KCNA6: variants seen among roughly 807,000 people sequenced by gnomAD.
KCNA6 encodes the protein potassium voltage-gated channel subfamily A member 6.
In KCNA6, 17 loss-of-function variants were observed where a neutral mutation model predicts 29.5. That is an observed-to-expected ratio of 0.58 (90% CI 0.39 to 0.86). The LOEUF (loss-of-function observed/expected upper bound fraction) is 0.86, where lower values mean the gene tolerates loss of function less well. Among genes scored for constraint, KCNA6 ranks in the 40% least tolerant of loss-of-function variants. The pLI, the probability that KCNA6 is intolerant of heterozygous loss-of-function variation, is 0.00. For missense variants in KCNA6, 450 were observed against 703.4 expected (o/e 0.64, Z 4.07); for synonymous variants, 296 against 304.7 (o/e 0.97, Z 0.30).
the KCNA6 span, among the ~76,000 whole-genome samples, chr12:4,835,981 C>T: frequency 6.7e-6 from 1 of 149,470 alleles, no homozygotes; most frequent in African/African-American, 2.5e-5. Flanking sequence ...CTCTTGTTGC[C>T]CAGGCTGGAA....
In KCNA6 at chr12:4,810,161, C is replaced by G. The variant is rs778860972; in HGVS notation, c.120C>G (p.Ser40Arg). The change falls in exon 1 of 1, where the codon AGC becomes AGG. Residue 40 changes from serine (S) to arginine (R), a missense_variant. Around this residue, in one of 7 missense-constraint regions of KCNA6, gnomAD observed 72 missense variants for 64.2 expected, o/e 1.12. Coordinates refer to ENST00000280684, the Ensembl canonical transcript of KCNA6. This position sits in a 1 kb window ranked among gnomAD's most constrained non-coding sequence, Gnocchi z 7.5. The stretch of plus-strand genomic sequence containing the variant: ...GCGGGGGCGGGGGCTGCTGTAGTAG[C>G]GAGCGGCTGGTGATCAATATCTCCG... The G allele has an allele frequency of 3.7e-6, 6 of 1,609,722 alleles. No individual in the cohort carries two copies. Among genetic ancestry groups the G allele is most frequent in the Admixed American group, 3.3e-5 (2 of 59,874 alleles).
chr12:4,834,047 G>A, the KCNA6 span, among the ~76,000 whole-genome samples: 1 of 151,442 alleles, frequency 6.6e-6, no homozygotes, highest in Admixed American at 6.6e-5. Context: ...TCTCACCTCG[G>A]CCTCCTGAAT....
the KCNA6 span, among the ~76,000 whole-genome samples, chr12:4,840,004 C>T: frequency 1.3e-5 from 2 of 151,676 alleles, no homozygotes; most frequent in African/African-American, 4.8e-5. Context: ...TGTACTTTTT[C>T]TTTTGGAAGA....
chr12:4,820,579 A>G, the KCNA6 span, among the ~76,000 whole-genome samples: 1 of 151,756 alleles, frequency 6.6e-6, no homozygotes, highest in Admixed American at 6.6e-5. Flanking sequence ...ACACACACAC[A>G]CACACACACA....
At chr12:4,827,687 A>C in the KCNA6 span, among the ~76,000 whole-genome samples, 1 of 152,206 alleles carries the variant, frequency 6.6e-6, no homozygotes, top group Non-Finnish European at 1.5e-5. Flanking sequence ...ACTGTGCCGC[A>C]AAGTGGCTCT....
At chr12:4,829,681 G>A in the KCNA6 span, among the ~76,000 whole-genome samples, 5 of 151,890 alleles carry the variant, frequency 3.3e-5, no homozygotes, top group South Asian at 1.0e-3. Flanking sequence ...CTGATCTAGG[G>A]TGGTTTCCAA....
Position 4,811,607 on chromosome 12 carries a change from G to A in KCNA6, c.1566G>A (p.Glu522=). ...CTACACCACATCGGGCCTATGCAGA[G>A]AAAAGAATGCTCACGGAGGTCTGAC... Residue 522 remains glutamate, a synonymous_variant, in exon 1 of 1, where the codon GAG becomes GAA. Transcript: ENST00000280684. This position sits in a 1 kb window ranked among gnomAD's most constrained non-coding sequence, Gnocchi z 7.1. 6.2e-7 allele frequency: 1 copy of A among 1,614,042 alleles called. No homozygotes were observed. The highest frequency in any genetic ancestry group is 8.5e-7 in the Non-Finnish European group (1 of 1,179,896).
chr12:4,835,381 G>A, the KCNA6 span, among the ~76,000 whole-genome samples: 5 of 152,048 alleles, frequency 3.3e-5, no homozygotes, highest in East Asian at 1.9e-4. Context: ...TGATCCGCCC[G>A]CCTCAGCCTC....
At chr12:4,827,186 C>CTCCTTCCTTCCTTCCTCCTTCCTTCCT in the KCNA6 span, among the ~76,000 whole-genome samples, 61 of 60,970 alleles carry the variant, frequency 1.0e-3, 2 homozygotes, top group Middle Eastern at 0.011. Flanking sequence ...CCTTCCTTCC[C>CTCCTTCCTTCCTTCCTCCTTCCTTCCT]TCCTTCCTTC....
the KCNA6 span, among the ~76,000 whole-genome samples, chr12:4,831,940 C>T: frequency 6.6e-6 from 1 of 152,132 alleles, no homozygotes; most frequent in Non-Finnish European, 1.5e-5. Context: ...TCACTCTGGT[C>T]TCACAGAAAC....
chr12:4,818,385 A>G (rs1160662088), downstream of KCNA6, among the ~76,000 whole-genome samples: 1 of 152,238 alleles, frequency 6.6e-6, no homozygotes, highest in Non-Finnish European at 1.5e-5. Context: ...TTGCTGGGTA[A>G]CATGGGGCAA....
chr12:4,843,613 A>G, the KCNA6 span, among the ~76,000 whole-genome samples: 1 of 152,234 alleles, frequency 6.6e-6, no homozygotes, highest in Non-Finnish European at 1.5e-5. Flanking sequence ...AAGAGGTTTA[A>G]TTGGCTCACG....
At chr12:4,838,308 C>G in the KCNA6 span, among the ~76,000 whole-genome samples, 1 of 152,132 alleles carries the variant, frequency 6.6e-6, no homozygotes, top group Non-Finnish European at 1.5e-5. Flanking sequence ...AGAAACAAAC[C>G]TAAAGCTTTG....
chr12:4,830,835 G>GGGAAGAGTT, the KCNA6 span, among the ~76,000 whole-genome samples: 1 of 152,238 alleles, frequency 6.6e-6, no homozygotes, highest in Non-Finnish European at 1.5e-5. Context: ...GCTGCACCCA[G>GGGAAGAGTT]GGAAGAGTTC....
At position 4,810,497 on chromosome 12, in the gene KCNA6, C is replaced by T; in HGVS notation, c.456C>T (p.Pro152=). ...GTGGCGAGGACGAGAAGCCGCTGCC[C>T]TCCCAGCCCTTCCAGCGCCAGGTGT... The change falls in exon 1 of 1, where the codon CCC becomes CCT. Residue 152 remains proline (P), a synonymous_variant. Coordinates refer to ENST00000280684, the Ensembl canonical transcript of KCNA6. This position sits in a 1 kb window ranked among gnomAD's most constrained non-coding sequence, Gnocchi z 7.5. 1 of 1,614,186 alleles carries T rather than the reference C, an allele frequency of 6.2e-7. No homozygotes were observed. Among genetic ancestry groups the T allele is most frequent in the Non-Finnish European group, 8.5e-7 (1 of 1,180,044 alleles).
At chr12:4,835,259 C>A in the KCNA6 span, among the ~76,000 whole-genome samples, 2 of 138,314 alleles carry the variant, frequency 1.4e-5, no homozygotes, top group African/African-American at 5.8e-5. Flanking sequence ...CTCAGCCTCC[C>A]GAGTAGCTGG....
At chr12:4,816,926 C>G (rs1300168012), downstream of KCNA6, among the ~76,000 whole-genome samples, 19 of 152,326 alleles carry the variant, frequency 1.2e-4, no homozygotes. Flanking sequence ...GTGCTTTCCT[C>G]AGATGCACCA....
the KCNA6 span, among the ~76,000 whole-genome samples, chr12:4,823,650 T>C: frequency 6.6e-6 from 1 of 152,066 alleles, no homozygotes; most frequent in Admixed American, 6.6e-5. Context: ...TTCTGTAATC[T>C]CGGCTACCCT....
chr12:4,848,501 T>G, the KCNA6 span, among the ~76,000 whole-genome samples: 1 of 130,176 alleles, frequency 7.7e-6, no homozygotes. Flanking sequence ...TTTTGTAGGG[T>G]TTCAGGAGGG....
Sources: allele counts gnomAD v4.1 joint callset (sites outside exome capture counted in the v4.1 genomes callset), GRCh38; gene constraint gnomAD v4.1.1; regional missense constraint gnomAD v4.1.1; non-coding constraint Gnocchi (gnomAD v3.1); transcripts MANE v1.5; gene names NCBI Gene and HGNC (gene_info 2026-07-23, HGNC 2026-07-21).